DSCAML1: variants seen among roughly 807,000 people sequenced by gnomAD.
The protein encoded by DSCAML1 is cell adhesion molecule DSCAML1.
Under a neutral mutation model 200.5 loss-of-function variants are expected in DSCAML1, and 38 were observed. That is an observed-to-expected ratio of 0.19 (90% CI 0.15 to 0.25). DSCAML1 has a LOEUF of 0.25. DSCAML1 is among the 10% of genes least tolerant of loss of function. The pLI is 1.00. For missense variants in DSCAML1, 2,223 were observed against 2,858.8 expected, an observed-to-expected ratio of 0.78 and a Z score of 5.07; for synonymous variants, 1,215 against 1,165.0, an observed-to-expected ratio of 1.04 and a Z score of -0.87.
intron 3 of DSCAML1, among the ~76,000 whole-genome samples, chr11:117,649,888 T>C (rs1405713912): frequency 1.3e-5 from 2 of 152,306 alleles, no homozygotes; most frequent in Admixed American, 6.5e-5. Flanking sequence ...CTCCTTCCTC[T>C]GCTCATCGGA....
chr11:117,777,715 TC>T, intron 2 of DSCAML1, among the ~76,000 whole-genome samples: 1 of 151,436 alleles, frequency 6.6e-6, no homozygotes, highest in Non-Finnish European at 1.5e-5. Flanking sequence ...TTCAGAACCA[TC>T]CCTTCCCCCA....
intron 14 of DSCAML1, among the ~76,000 whole-genome samples, chr11:117,475,875 T>C (rs1245884650): frequency 6.6e-6 from 1 of 152,130 alleles, no homozygotes; most frequent in Non-Finnish European, 1.5e-5. Context: ...TAGCACAAAA[T>C]AGCTCCCTCT....
rs1592553482 is a variant in DSCAML1 at position 117,428,383 on chromosome 11, C to G, written c.6107G>C (p.Gly2036Ala). The change falls in exon 33 of 33, where the codon GGG becomes GCG. Residue 2036 changes from glycine to alanine, a missense_variant. This residue lies in a region of DSCAML1 where 280 missense variants were observed against 213.4 expected (regional missense o/e 1.31). Transcript: ENST00000651296. Reference sequence around the variant, plus strand: ...CCCGGCCCCCTGCTTCTGAGACCTCCCTACCCCCGATGTGCTCATCTCGAG... The same window carrying G: ...CCCGGCCCCCTGCTTCTGAGACCTCGCTACCCCCGATGTGCTCATCTCGAG... ...SLLEMSTSGV[G>A]RSQKQGAGAY... The G allele has an allele frequency of 1.9e-6, 3 of 1,591,806 alleles. No homozygotes were observed. Among genetic ancestry groups the G allele is most frequent in the Non-Finnish European group, 2.6e-6 (3 of 1,171,782 alleles).
chr11:117,517,301 G>A (rs1347649273), intron 7 of DSCAML1, among the ~76,000 whole-genome samples: 2 of 152,226 alleles, frequency 1.3e-5, no homozygotes, highest in African/African-American at 2.4e-5. Context: ...TGTGAAAGGG[G>A]CTCTGATAGT....
At chr11:117,697,757 G>C (rs980381319) in intron 3 of DSCAML1, among the ~76,000 whole-genome samples, 10 of 151,474 alleles carry the variant, frequency 6.6e-5, no homozygotes, top group African/African-American at 2.4e-4. Flanking sequence ...CATGTTGTAG[G>C]ATGTGTCAAA....
chr11:117,493,333 T>C (rs557970836), intron 11 of DSCAML1, among the ~76,000 whole-genome samples: 1 of 151,676 alleles, frequency 6.6e-6, no homozygotes, highest in East Asian at 1.9e-4. Context: ...TTTTTTTTTT[T>C]TTGAGACAGA....
At chr11:117,722,560 T>A (rs961875967) in intron 3 of DSCAML1, among the ~76,000 whole-genome samples, 1 of 152,132 alleles carries the variant, frequency 6.6e-6, no homozygotes, top group African/African-American at 2.4e-5. Context: ...AAATGATAAA[T>A]GTTTGAGGTG....
At chr11:117,660,698 C>T (rs913158914) in intron 3 of DSCAML1, among the ~76,000 whole-genome samples, 1 of 152,214 alleles carries the variant, frequency 6.6e-6, no homozygotes, top group Admixed American at 6.5e-5. Flanking sequence ...GTCAGGGCAC[C>T]ATTCACCATT....
chr11:117,808,439 CCT>C (rs750316062), intron 1 of DSCAML1, among the ~76,000 whole-genome samples: 2 of 152,140 alleles, frequency 1.3e-5, no homozygotes, highest in Non-Finnish European at 2.9e-5. Flanking sequence ...CATGCTATCC[CCT>C]GAGAGCATTT....
Position 117,518,912 on chromosome 11 carries a change from C to T in DSCAML1, c.1214-150G>A, listed in dbSNP as rs2049833635. The T allele has an allele frequency of 2.0e-5, 17 of 867,742 alleles. No homozygotes were observed. The highest frequency in any genetic ancestry group is 2.9e-5 in the Non-Finnish European group (17 of 580,672). 53.8% of individuals were successfully genotyped at this position (867,742 alleles called of 1,614,324 possible). A position where few individuals can be genotyped will look rare whatever the true frequency, so the allele number is the denominator to read the frequency against. ...ACATCAATTCTTCTGCTATCCGCAA[C>T]CCCAAGTGGTGCCAGTTACTGCTGT... On this transcript the variant is annotated intron_variant, in intron 6 of 32. Transcript: ENST00000651296. This position sits in a 1 kb window ranked among gnomAD's most constrained non-coding sequence, Gnocchi z 6.3.
At chr11:117,598,667 TAATTTC>T (rs879851462) in intron 3 of DSCAML1, among the ~76,000 whole-genome samples, 1 of 152,132 alleles carries the variant, frequency 6.6e-6, no homozygotes, top group Non-Finnish European at 1.5e-5. Context: ...CTTGTCTGTA[TAATTTC>T]AGGGTTTGGG....
chr11:117,704,687 C>T (rs1309047345), intron 3 of DSCAML1, among the ~76,000 whole-genome samples: 1 of 152,174 alleles, frequency 6.6e-6, no homozygotes, highest in Non-Finnish European at 1.5e-5. Flanking sequence ...TCTTGTTTCG[C>T]TCCAGCCAAA....
intron 3 of DSCAML1, among the ~76,000 whole-genome samples, chr11:117,606,187 C>T (rs1276047469): frequency 6.6e-6 from 1 of 152,168 alleles, no homozygotes. Flanking sequence ...CCCACTCTTA[C>T]AGGGTTCTTT....
chr11:117,776,336 G>A (rs2055128718), intron 3 of DSCAML1, among the ~76,000 whole-genome samples: 1 of 152,188 alleles, frequency 6.6e-6, no homozygotes. Flanking sequence ...CATGCTTCCT[G>A]AAGTCAGGTC....
chr11:117,613,899 A>G (rs1321141563), intron 3 of DSCAML1, among the ~76,000 whole-genome samples: 2 of 144,880 alleles, frequency 1.4e-5, no homozygotes, highest in Admixed American at 1.4e-4. Flanking sequence ...CCTTGCCTAA[A>G]TGTAGGGGTC....
chr11:117,807,636 GAGA>G lies in DSCAML1; in HGVS notation c.-250+9751_-250+9753del, dbSNP rs758618257. ...TTTTCTCCGCAGAGTTGTTTAGCTA[GAGA>G]AGGTCACAGTACCTGCCATGGCCAG... On this transcript the variant is annotated intron_variant, in intron 1 of 2. Transcript: ENST00000525836. 2.7e-4 allele frequency among the ~76,000 whole-genome samples: 41 copies of G among 152,346 alleles called. No homozygotes were observed. In the East Asian group the frequency reaches 3.9e-3, roughly 14 times the overall value.
chr11:117,740,805 A>G (rs540551975), intron 3 of DSCAML1, among the ~76,000 whole-genome samples: 106 of 152,366 alleles, frequency 7.0e-4, no homozygotes, highest in African/African-American at 2.4e-3. Context: ...CTATGGCCAC[A>G]GATTTGTTGC....
At chr11:117,771,459 T>C (rs2055038677) in intron 3 of DSCAML1, among the ~76,000 whole-genome samples, 1 of 152,178 alleles carries the variant, frequency 6.6e-6, no homozygotes, top group African/African-American at 2.4e-5. Flanking sequence ...CTGTTGCCCT[T>C]CAGAGGAGCC....
chr11:117,694,390 A>G (rs932451138), intron 3 of DSCAML1, among the ~76,000 whole-genome samples: 2 of 151,462 alleles, frequency 1.3e-5, no homozygotes, highest in African/African-American at 4.9e-5. Flanking sequence ...TGGGCAACAG[A>G]GCTAGACTCC....
Sources: gnomAD v4.1 joint callset for allele counts (sites outside exome capture counted in the v4.1 genomes callset) on GRCh38, gnomAD v4.1.1 for gene constraint, gnomAD v4.1.1 regional missense constraint, Gnocchi (gnomAD v3.1) non-coding constraint, MANE v1.5 for transcripts, NCBI Gene and HGNC (gene_info 2026-07-23, HGNC 2026-07-21) for gene names.